The following MACF1 variants were observed in gnomAD, a reference collection of about 807,000 sequenced individuals.
The protein encoded by MACF1 is microtubule-actin cross-linking factor 1.
MACF1 carries 193 observed loss-of-function variants against 854.8 expected under a neutral mutation model. The ratio of observed to expected loss-of-function variants is 0.23; its 90% CI spans 0.20 to 0.25. The LOEUF (loss-of-function observed/expected upper bound fraction) is 0.25. Ranked by LOEUF, MACF1 falls within the 10% of genes least tolerant of loss-of-function variation. The pLI is 1.00. For synonymous variants in MACF1, 3,185 were observed against 3,226.7 expected (o/e 0.99, Z 0.44); for missense variants, 7,722 against 8,929.1 (o/e 0.86, Z 5.45).
At position 39,337,211 on chromosome 1, in the gene MACF1, A is replaced by G; in HGVS notation, c.10095A>G (p.Glu3365=). 1.9e-6 allele frequency: 3 copies of G among 1,613,922 alleles called. No individual in the cohort carries two copies. Among genetic ancestry groups the G allele is most frequent in the Non-Finnish European group, 2.5e-6 (3 of 1,179,892 alleles). ...TATTTACCCGGCAACTCTGTTTAGAACATGATGAAAAGCTAGTATCCTATC... is the reference window on the plus strand; with the variant it reads ...TATTTACCCGGCAACTCTGTTTAGAGCATGATGAAAAGCTAGTATCCTATC... ...QNVFTRQLCL[E]HDEKLVSYLS... Residue 3365 remains glutamate (E), a synonymous_variant, in exon 38 of 101, where the codon GAA becomes GAG. Transcript: ENST00000564288.
At chr1:39,371,974 C>T (rs941682880) in intron 51 of MACF1, among the ~76,000 whole-genome samples, 5 of 150,938 alleles carry the variant, frequency 3.3e-5, no homozygotes, top group Admixed American at 6.6e-5. Flanking sequence ...CCACCACGCC[C>T]GGCTAATTTT....
At chr1:39,420,552 T>C (rs373167008) in intron 58 of MACF1, among the ~76,000 whole-genome samples, 126 of 152,330 alleles carry the variant, frequency 8.3e-4, no homozygotes, top group African/African-American at 3.0e-3. Flanking sequence ...AGTGCACTCA[T>C]AATTACTTTT....
chr1:39,332,086 T>C lies in MACF1; in HGVS notation c.5498T>C (p.Val1833Ala). Residue 1833 changes from valine (V) to alanine (A), a missense_variant, in exon 37 of 101, where the codon GTA becomes GCA. By Grantham distance (64) the Val-to-Ala change is moderately conservative. Around this residue, in one of 15 missense-constraint regions of MACF1, gnomAD observed 1,531 missense variants for 1,601.6 expected, o/e 0.96. Coordinates refer to ENST00000564288, the MANE Select transcript of MACF1 (RefSeq NM_001394062.1). The stretch of plus-strand genomic sequence containing the variant: ...GATGAAGCAGTGAGCAATGATCTAG[T>C]AGCTGCTAAGATCGCCCTTGTGATT... ...TIDEAVSNDL[V>A]AAKIALVILE... 3 of 1,614,124 alleles carry C rather than the reference T, an allele frequency of 1.9e-6. No homozygotes were observed. Among genetic ancestry groups the C allele is most frequent in the Non-Finnish European group, 2.5e-6 (3 of 1,180,002 alleles).
intron 70 of MACF1, among the ~76,000 whole-genome samples, chr1:39,437,456 G>A (rs186538872): frequency 5.9e-5 from 9 of 151,984 alleles, no homozygotes; most frequent in East Asian, 5.8e-4. Context: ...GACTACGGGC[G>A]TGCGCCACCA....
intron 56 of MACF1, among the ~76,000 whole-genome samples, chr1:39,382,484 C>T (rs1208117819): frequency 6.6e-6 from 1 of 151,692 alleles, no homozygotes; most frequent in African/African-American, 2.4e-5. Flanking sequence ...GTGGGCGGGT[C>T]ACAAGGTCAG....
intron 58 of MACF1, 49 bp from the exon 59 acceptor site, chr1:39,422,321 TAGAG>T: frequency 6.9e-7 from 1 of 1,455,612 alleles, no homozygotes; most frequent in Middle Eastern, 1.8e-4. Context: ...CTGCGTGGTA[TAGAG>T]AGTCTAATAG....
At chr1:39,426,996 A>G (rs953255707) in intron 61 of MACF1, among the ~76,000 whole-genome samples, 2 of 152,322 alleles carry the variant, frequency 1.3e-5, no homozygotes, top group Non-Finnish European at 1.5e-5. Context: ...AAATGAAGGT[A>G]GTAGTGACAG....
At chr1:39,466,008 C>T (rs911748652) in intron 95 of MACF1, among the ~76,000 whole-genome samples, 1 of 152,134 alleles carries the variant, frequency 6.6e-6, no homozygotes, top group African/African-American at 2.4e-5. Flanking sequence ...TTTGAAGAGT[C>T]CTGACACCCT....
intron 2 of MACF1, chr1:39,102,908 A>AT (rs1220973682): frequency 2.8e-6 from 2 of 702,280 alleles, no homozygotes; most frequent in Admixed American, 4.0e-5. Context: ...CCTTCTTCCC[A>AT]TCCCCCCTGG....
intron 2 of MACF1, among the ~76,000 whole-genome samples, chr1:39,179,076 C>T (rs2148231177): frequency 6.6e-6 from 1 of 152,292 alleles, no homozygotes; most frequent in South Asian, 2.1e-4. Flanking sequence ...TGGATGTCAT[C>T]AGGAAAAGGG....
At chr1:39,420,146 A>G (rs2148632364) in intron 58 of MACF1, among the ~76,000 whole-genome samples, 2 of 152,322 alleles carry the variant, frequency 1.3e-5, no homozygotes, top group Middle Eastern at 6.8e-3. Context: ...GTCAATAGCT[A>G]TATGTAGCTG....
intron 31 of MACF1, among the ~76,000 whole-genome samples, chr1:39,321,592 A>G (rs1297316108): frequency 6.6e-6 from 1 of 152,198 alleles, no homozygotes; most frequent in Non-Finnish European, 1.5e-5. Flanking sequence ...AAGGCACAAT[A>G]AGGAGCAGTG....
chr1:39,209,047 T>A lies in MACF1; in HGVS notation c.109+3916T>A, dbSNP rs569874761. Among the ~76,000 whole-genome samples, 85 of 149,764 alleles carry A rather than the reference T, an allele frequency of 5.7e-4. 1 individual carries two copies. The highest frequency in any genetic ancestry group is 2.1e-3 in the African/African-American group (84 of 40,894). ...CGGGTGGATCACCTGAGGTCAGGAG[T>A]TCGAGACCAGCCTGACCAACATGGA... is the stretch of plus-strand genomic sequence containing the variant. On this transcript the variant is annotated intron_variant, in intron 1 of 100. Transcript: ENST00000564288.
At chr1:39,250,752 C>T (rs778267364) in intron 3 of MACF1, among the ~76,000 whole-genome samples, 2 of 152,138 alleles carry the variant, frequency 1.3e-5, no homozygotes, top group Non-Finnish European at 2.9e-5. Context: ...TGGGAAACAC[C>T]TACATATCTG....
rs1557525571 is a variant in MACF1 at position 39,220,480 on chromosome 1, A to AC, written c.110-10702_110-10701insC. Among the ~76,000 whole-genome samples, 4 of 52,496 alleles carry AC rather than the reference A, an allele frequency of 7.6e-5. No homozygotes were observed. In the South Asian group the frequency reaches 3.6e-3, roughly 48 times the overall value. 34.4% of individuals were successfully genotyped at this position (52,496 alleles called of 152,430 possible). A position where few individuals can be genotyped will look rare whatever the true frequency, so the allele number is the denominator to read the frequency against. ...GAGCCACTGCTTCTGGCCTTTAATG[A>AC]ATTTTTTTTTTTTTTTTTTTAAGAC... On this transcript the variant is annotated intron_variant, in intron 1 of 100. Transcript: ENST00000564288.
intron 58 of MACF1, among the ~76,000 whole-genome samples, chr1:39,421,990 G>A (rs1643556439): frequency 6.6e-6 from 1 of 152,056 alleles, no homozygotes; most frequent in African/African-American, 2.4e-5. Context: ...CAGGAGAATG[G>A]CATGAACCCG....
chr1:39,477,131 T>TACACACACCC (rs562347733), intron 97 of MACF1, among the ~76,000 whole-genome samples: 1 of 91,340 alleles, frequency 1.1e-5, no homozygotes, highest in Non-Finnish European at 2.0e-5. Context: ...TATATATATA[T>TACACACACCC]ATATACACAC....
intron 2 of MACF1, among the ~76,000 whole-genome samples, chr1:39,147,685 C>T (rs920756979): frequency 2.0e-5 from 3 of 152,046 alleles, no homozygotes; most frequent in Non-Finnish European, 4.4e-5. Flanking sequence ...AGGCTGGTCT[C>T]GAACTCCTGG....
intron 35 of MACF1, among the ~76,000 whole-genome samples, chr1:39,325,397 G>A (rs1035639142): frequency 2.6e-5 from 4 of 152,236 alleles, no homozygotes; most frequent in African/African-American, 4.8e-5. Context: ...GTCAGATTTA[G>A]TATGGTGAGG....
Sources: gnomAD v4.1 joint callset for allele counts (sites outside exome capture counted in the v4.1 genomes callset) on GRCh38, gnomAD v4.1.1 for gene constraint, gnomAD v4.1.1 regional missense constraint, MANE v1.5 for transcripts, NCBI Gene and HGNC (gene_info 2026-07-23, HGNC 2026-07-21) for gene names.